DDHD1: variants seen among roughly 807,000 people sequenced by gnomAD.
DDHD1 encodes phospholipase DDHD1.
In DDHD1, 49 loss-of-function variants were observed where a neutral mutation model predicts 96.4. The ratio of observed to expected loss-of-function variants is 0.51; its 90% CI spans 0.40 to 0.64. The LOEUF is 0.64. Ranked by LOEUF, DDHD1 falls within the 30% of genes least tolerant of loss-of-function variation. DDHD1 has a pLI of 0.00. For synonymous variants in DDHD1, 442 were observed against 446.5 expected (o/e 0.99, Z 0.13); for missense variants, 1,106 against 1,161.2 (o/e 0.95, Z 0.69).
At chr14:53,061,738 TA>T (rs1883575767) in intron 7 of DDHD1, among the ~76,000 whole-genome samples, 1 of 152,118 alleles carries the variant, frequency 6.6e-6, no homozygotes, top group South Asian at 2.1e-4. Flanking sequence ...TATTATTTTT[TA>T]AAAGCTATAG....
intron 1 of DDHD1, among the ~76,000 whole-genome samples, chr14:53,136,995 G>GA (rs1455283756): frequency 1.3e-5 from 2 of 151,994 alleles, no homozygotes; most frequent in Non-Finnish European, 2.9e-5. Flanking sequence ...AAAACTGGCA[G>GA]AAAAAGATGT....
In DDHD1 at chr14:53,055,920, TAA is replaced by T; in HGVS notation, c.1993-10_1993-9del. On this transcript the variant is annotated splice_polypyrimidine_tract_variant and intron_variant, in intron 9 of 12. Transcript: ENST00000673822. ...TGGTTCTAATCTATAAGCCTTGATT[TAA>T]AAAAAAAAATTCAAAGAAACACAGT... 4.5e-6 allele frequency: 6 copies of T among 1,337,746 alleles called. No homozygotes were observed. The highest frequency in any genetic ancestry group is 4.3e-5 in the Admixed American group (2 of 46,782). 82.9% of individuals were successfully genotyped at this position (1,337,746 alleles called of 1,614,324 possible).
chr14:53,130,122 A>G (rs1889756600), intron 1 of DDHD1, among the ~76,000 whole-genome samples: 1 of 151,988 alleles, frequency 6.6e-6, no homozygotes, highest in African/African-American at 2.4e-5. Context: ...AGGCTGAGCC[A>G]GGTCCCAATT....
chr14:53,141,525 A>G (rs1890640559), intron 1 of DDHD1, among the ~76,000 whole-genome samples: 1 of 152,208 alleles, frequency 6.6e-6, no homozygotes, highest in African/African-American at 2.4e-5. Context: ...TATTTTAACA[A>G]TCTTCCCAGT....
intron 1 of DDHD1, among the ~76,000 whole-genome samples, chr14:53,119,311 C>T (rs1395885062): frequency 1.3e-5 from 2 of 152,128 alleles, no homozygotes; most frequent in Non-Finnish European, 2.9e-5. Context: ...TCAAATGTAA[C>T]AATATTAACC....
intron 4 of DDHD1, 147 bp downstream of exon 4, chr14:53,091,638 A>G (rs967915871): frequency 2.6e-6 from 2 of 759,448 alleles, no homozygotes; most frequent in South Asian, 3.5e-5. Flanking sequence ...TTTGGTCCAG[A>G]TACTTGATCT....
At chr14:53,084,336 G>T (rs1033201558) in intron 4 of DDHD1, among the ~76,000 whole-genome samples, 1 of 152,028 alleles carries the variant, frequency 6.6e-6, no homozygotes, top group African/African-American at 2.4e-5. Flanking sequence ...CCTGCTTTTG[G>T]CTTAAGCCTT....
chr14:53,109,044 C>T (rs539876745), intron 1 of DDHD1, among the ~76,000 whole-genome samples: 2 of 152,238 alleles, frequency 1.3e-5, no homozygotes, highest in South Asian at 4.2e-4. Context: ...GCATTCACTT[C>T]TGCAGATTAG....
intron 1 of DDHD1, among the ~76,000 whole-genome samples, chr14:53,118,990 G>T (rs928654044): frequency 6.6e-6 from 1 of 152,210 alleles, no homozygotes; most frequent in Non-Finnish European, 1.5e-5. Flanking sequence ...CAAGCCAGAA[G>T]AGAGTGGGGG....
intron 11 of DDHD1, 28 bp from the exon 12 acceptor site, chr14:53,051,955 A>T (rs754916304): frequency 3.3e-6 from 5 of 1,537,286 alleles, no homozygotes; most frequent in Non-Finnish European, 4.4e-6. Flanking sequence ...AAGATGCTGT[A>T]AAGGGTTGGC....
intron 10 of DDHD1, 125 bp from the exon 11 acceptor site, chr14:53,054,754 G>A: frequency 1.2e-6 from 1 of 800,156 alleles, no homozygotes; most frequent in Non-Finnish European, 1.9e-6. Flanking sequence ...TTCCAGGGTG[G>A]GAACATAAGA....
chr14:53,059,126 A>T (rs1883312999), intron 8 of DDHD1, among the ~76,000 whole-genome samples: 1 of 152,240 alleles, frequency 6.6e-6, no homozygotes, highest in Non-Finnish European at 1.5e-5. Context: ...CCAGTAAAAG[A>T]CGAGAAAGGT....
In DDHD1 at chr14:53,039,150, G is replaced by C. The variant is rs1881468989; in HGVS notation, c.*7618C>G. 1 of 152,314 alleles carries C rather than the reference G, an allele frequency of 6.6e-6. No homozygotes were observed. The highest frequency in any genetic ancestry group is 2.1e-4 in the South Asian group (1 of 4,824). The allele number at this position is 152,314 out of a possible 1,614,324, so 9.4% of individuals were successfully genotyped here. On this transcript the variant is annotated 3_prime_UTR_variant, in exon 13 of 13. Transcript: ENST00000673822. ...TACAACTGATCTGGAGGTGATACTT[G>C]CTTCAGTTCTCCAGGAACTCTTGGC...
At chr14:53,111,855 G>C (rs978277286) in intron 1 of DDHD1, among the ~76,000 whole-genome samples, 2 of 152,086 alleles carry the variant, frequency 1.3e-5, no homozygotes, top group Non-Finnish European at 2.9e-5. Context: ...GGATAATTAA[G>C]ATATTCCAAA....
At position 53,152,942 on chromosome 14, in the gene DDHD1, C is replaced by T. The variant is rs1891566828; in HGVS notation, c.157G>A (p.Asp53Asn). 1 of 1,595,534 alleles carries T rather than the reference C, an allele frequency of 6.3e-7. No homozygotes were observed. The highest frequency in any genetic ancestry group is 2.3e-5 in the East Asian group (1 of 43,370). ...CCGCGCAGCAGGGCCAGGGGCACGTCGCCGTCGTCCGGGTCCCCGCCGGGC... is the reference window on the plus strand; with the variant it reads ...CCGCGCAGCAGGGCCAGGGGCACGTTGCCGTCGTCCGGGTCCCCGCCGGGC... ...HLPGGDPDDGDVPLALLRGEP... is the reference protein window; with the variant it reads ...HLPGGDPDDGNVPLALLRGEP... The change falls in exon 1 of 13, where the codon GAC becomes AAC. Residue 53 changes from aspartate to asparagine, a missense_variant. Coordinates refer to ENST00000673822, the MANE Select transcript of DDHD1 (RefSeq NM_001160148.2).
intron 1 of DDHD1, among the ~76,000 whole-genome samples, chr14:53,112,182 C>A (rs190191366): frequency 6.6e-6 from 1 of 152,002 alleles, no homozygotes; most frequent in Non-Finnish European, 1.5e-5. Flanking sequence ...TCTGAGAGGC[C>A]GAAGTGGGCG....
chr14:53,124,091 C>T (rs976043021), intron 1 of DDHD1, among the ~76,000 whole-genome samples: 2 of 151,704 alleles, frequency 1.3e-5, no homozygotes, highest in Non-Finnish European at 1.5e-5. Context: ...AAAAATTAGC[C>T]GGGCATGGTG....
chr14:53,073,717 C>T (rs2139917599), intron 5 of DDHD1, 24 bp downstream of exon 5: 1 of 1,571,964 alleles, frequency 6.4e-7, no homozygotes, highest in Non-Finnish European at 8.6e-7. Flanking sequence ...TTGGCTAAAT[C>T]ATTCAATTTT....
Position 53,153,274 on chromosome 14 carries a change from A to G in DDHD1, c.-176T>C. 2.1e-6 allele frequency: 1 copy of G among 467,356 alleles called. No homozygotes were observed. Among genetic ancestry groups the G allele is most frequent in the Non-Finnish European group, 3.5e-6 (1 of 284,622 alleles). The allele number at this position is 467,356 out of a possible 1,614,324, so 29.0% of individuals were successfully genotyped here. On this transcript the variant is annotated 5_prime_UTR_variant, in exon 1 of 13. Coordinates refer to ENST00000673822, the MANE Select transcript of DDHD1 (RefSeq NM_001160148.2). ...CCCCCACGAGACCCGCAGCCGCCGC[A>G]GCTGCGTTCTGCCGCCGGCCCCATT...
Sources: allele counts gnomAD v4.1 joint callset (sites outside exome capture counted in the v4.1 genomes callset), GRCh38; gene constraint gnomAD v4.1.1; transcripts MANE v1.5; gene names NCBI Gene and HGNC (gene_info 2026-07-23, HGNC 2026-07-21).